AP2M1: variants seen among roughly 807,000 people sequenced by gnomAD.
AP2M1 encodes AP-2 complex subunit mu.
In AP2M1, 5 loss-of-function variants were observed where a neutral mutation model predicts 54.5. The observed-to-expected ratio is 0.09, with a 90% CI of 0.05 to 0.19. The LOEUF is 0.19. AP2M1 is among the 10% of genes least tolerant of loss of function. The pLI, the probability that AP2M1 is intolerant of heterozygous loss-of-function variation, is 1.00. For synonymous variants in AP2M1, 186 were observed against 208.2 expected (o/e 0.89, Z 0.92); for missense variants, 178 against 580.2 (o/e 0.31, Z 7.12).
Position 184,182,742 on chromosome 3 carries a change from T to C in AP2M1, c.1062-15T>C, listed in dbSNP as rs1160157885. 6.2e-7 allele frequency: 1 copy of C among 1,610,948 alleles called. No homozygotes were observed. The highest frequency in any genetic ancestry group is 1.7e-5 in the Admixed American group (1 of 59,972). ...CCAAGCCCCAATGGGCTGCCCATTG[T>C]CCCTGTGTTCCCAGGATCAAGCGCA... On this transcript the variant is annotated splice_polypyrimidine_tract_variant and intron_variant, in intron 10 of 11. Coordinates refer to ENST00000292807, the MANE Select transcript of AP2M1 (RefSeq NM_004068.4). The surrounding 1 kb of genome is among the most constrained non-coding windows in gnomAD (Gnocchi z 5.5).
At chr3:184,176,895 G>A (rs1054301035) in intron 1 of AP2M1, 56 bp from the exon 2 acceptor site, 16 of 1,274,150 alleles carry the variant, frequency 1.3e-5, no homozygotes, top group Non-Finnish European at 1.7e-5. Context: ...CAGCTCCACA[G>A]GGGATGTTGG....
Position 184,178,184 on chromosome 3 carries a change from C to T in AP2M1, c.75-673C>T. ...ATCACTCTCCTCTTCTTGCTGGCGT[C>T]ATTTCTCTCATCCCATCTCATTGGC... On this transcript the variant is annotated intron_variant, in intron 2 of 11. Transcript: ENST00000292807. This position sits in a 1 kb window ranked among gnomAD's most constrained non-coding sequence, Gnocchi z 4.9. 1 of 1,535,268 alleles carries T rather than the reference C, an allele frequency of 6.5e-7. No individual in the cohort carries two copies.
rs1715247162 is a variant in AP2M1 at position 184,180,754 on chromosome 3, A to G, written c.430-95A>G. ...AAATGGATTACAGGTGGGGACTAGA[A>G]GGGATGGGGAATGAGGGTGGAGTGG... On this transcript the variant is annotated intron_variant, in intron 5 of 11. Transcript: ENST00000292807. This position sits in a 1 kb window ranked among gnomAD's most constrained non-coding sequence, Gnocchi z 4.9. 6.2e-7 allele frequency: 1 copy of G among 1,614,096 alleles called. No homozygotes were observed. Among genetic ancestry groups the G allele is most frequent in the Non-Finnish European group, 8.5e-7 (1 of 1,179,994 alleles).
rs746493726 is a variant in AP2M1 at position 184,181,987 on chromosome 3, G to A, written c.903G>A (p.Leu301=). Residue 301 remains leucine, a synonymous_variant, in exon 9 of 12, where the codon CTG becomes CTA. Coordinates refer to ENST00000292807, the MANE Select transcript of AP2M1 (RefSeq NM_004068.4). This position sits in a 1 kb window ranked among gnomAD's most constrained non-coding sequence, Gnocchi z 5.7. ...TGCGAGAAGTGGGACGCACCAAACT[G>A]GAGGTCAAGGTGGTCATCAAGTCCA... ...PLVREVGRTK[L]EVKVVIKSNF... is the part of the protein sequence containing the mutation. 4.3e-6 allele frequency: 7 copies of A among 1,614,188 alleles called. No homozygotes were observed. The highest frequency in any genetic ancestry group is 1.6e-4 in the Middle Eastern group (1 of 6,062).
At chr3:184,175,843 G>T (rs553375200) in intron 1 of AP2M1, among the ~76,000 whole-genome samples, 1 of 152,240 alleles carries the variant, frequency 6.6e-6, no homozygotes, top group South Asian at 2.1e-4. Flanking sequence ...GCCTGTTTGG[G>T]ACTGAGGGAT....
Position 184,182,917 on chromosome 3 carries a change from C to T in AP2M1, c.1173+49C>T. ...GTCATGCCAGGGTATGCTGGAAGACCTCTTAGAGATCATTCCGATAAACTG... is the reference window on the plus strand; with the variant it reads ...GTCATGCCAGGGTATGCTGGAAGACTTCTTAGAGATCATTCCGATAAACTG... On this transcript the variant is annotated intron_variant, in intron 11 of 11. Coordinates refer to ENST00000292807, the MANE Select transcript of AP2M1 (RefSeq NM_004068.4). The surrounding 1 kb of genome is among the most constrained non-coding windows in gnomAD (Gnocchi z 5.5). 1 of 1,500,238 alleles carries T rather than the reference C, an allele frequency of 6.7e-7. No individual in the cohort carries two copies. Among genetic ancestry groups the T allele is most frequent in the Non-Finnish European group, 9.3e-7 (1 of 1,080,610 alleles). The allele number at this position is 1,500,238 out of a possible 1,614,324, so 92.9% of individuals were successfully genotyped here.
chr3:184,177,637 G>A (rs1271498594), intron 2 of AP2M1: 10 of 1,531,580 alleles, frequency 6.5e-6, no homozygotes, highest in Non-Finnish European at 8.7e-6. Flanking sequence ...GGTCACTGTG[G>A]GAGGGCAGGG....
chr3:184,177,449 T>C (rs1029387898), intron 2 of AP2M1: 2 of 1,216,210 alleles, frequency 1.6e-6, no homozygotes, highest in African/African-American at 1.5e-5. Context: ...ATCTAAGCCT[T>C]GCTCTCAGAA....
chr3:184,180,463 G>T lies in AP2M1; in HGVS notation c.424-182G>T, dbSNP rs1715233639. 3 of 1,110,018 alleles carry T rather than the reference G, an allele frequency of 2.7e-6. No individual in the cohort carries two copies. The highest frequency in any genetic ancestry group is 3.9e-6 in the Non-Finnish European group (3 of 767,218). The allele number at this position is 1,110,018 out of a possible 1,614,324, so 68.8% of individuals were successfully genotyped here. The stretch of plus-strand genomic sequence containing the variant: ...CAGCATCTCTATTACCAGGAATACA[G>T]CTCAAGCAGTTTCCTTTTGCACTGA... On this transcript the variant is annotated intron_variant, in intron 4 of 11. Transcript: ENST00000292807. The surrounding 1 kb of genome is among the most constrained non-coding windows in gnomAD (Gnocchi z 4.9).
In AP2M1 at chr3:184,178,119, C is replaced by T. The variant is rs958495998; in HGVS notation, c.75-738C>T. 3 of 1,406,148 alleles carry T rather than the reference C, an allele frequency of 2.1e-6. No homozygotes were observed. The African/African-American group carries it at 4.3e-5, about 20-fold the overall frequency. The allele number at this position is 1,406,148 out of a possible 1,614,324, so 87.1% of individuals were successfully genotyped here. On this transcript the variant is annotated intron_variant, in intron 2 of 11. Coordinates refer to ENST00000292807, the MANE Select transcript of AP2M1 (RefSeq NM_004068.4). The surrounding 1 kb of genome is among the most constrained non-coding windows in gnomAD (Gnocchi z 4.9). ...CTTCTGCCTCACGGTGTGTGCCGCC[C>T]TCCCGGTGTGTTGTGTGTCTAACCC...
At chr3:184,177,439 A>G (rs1715110294) in intron 2 of AP2M1, 1 of 1,116,900 alleles carries the variant, frequency 9.0e-7, no homozygotes, top group African/African-American at 1.5e-5. Context: ...GCACTAATCC[A>G]TCTAAGCCTT....
At chr3:184,177,468 C>T (rs1209749121) in intron 2 of AP2M1, 5 of 1,383,456 alleles carry the variant, frequency 3.6e-6, no homozygotes, top group Non-Finnish European at 4.9e-6. Context: ...AAGCCCTTCC[C>T]ATATCAAACG....
At position 184,178,272 on chromosome 3, in the gene AP2M1, G is replaced by A. The variant is rs1436600856; in HGVS notation, c.75-585G>A. The A allele has an allele frequency of 6.5e-7, 1 of 1,530,014 alleles. No individual in the cohort carries two copies. Among genetic ancestry groups the A allele is most frequent in the Non-Finnish European group, 8.8e-7 (1 of 1,141,306 alleles). The allele number at this position is 1,530,014 out of a possible 1,614,324, so 94.8% of individuals were successfully genotyped here. A position where few individuals can be genotyped will look rare whatever the true frequency, so the allele number is the denominator to read the frequency against. On this transcript the variant is annotated intron_variant, in intron 2 of 11. Transcript: ENST00000292807. The surrounding 1 kb of genome is among the most constrained non-coding windows in gnomAD (Gnocchi z 4.9). Reference sequence around the variant, plus strand: ...CCCAGGTACAGGTGGGTGGGGGCCTGCCCCCATCGTTTTCCTGCATCCTTT... The same window carrying A: ...CCCAGGTACAGGTGGGTGGGGGCCTACCCCCATCGTTTTCCTGCATCCTTT...
intron 2 of AP2M1, 137 bp downstream of exon 2, chr3:184,177,204 T>G: frequency 1.1e-6 from 1 of 882,448 alleles, no homozygotes; most frequent in Non-Finnish European, 1.7e-6. Context: ...GCTCAGCTAG[T>G]GTAGCCTGGC....
Position 184,178,004 on chromosome 3 carries a change from G to T in AP2M1, c.75-853G>T. ...AGGCCTGGCCTGTCTGAACCTGGCT[G>T]GCTACACCCCCCACCCCAGACCCCC... On this transcript the variant is annotated intron_variant, in intron 2 of 11. Coordinates refer to ENST00000292807, the MANE Select transcript of AP2M1 (RefSeq NM_004068.4). This position sits in a 1 kb window ranked among gnomAD's most constrained non-coding sequence, Gnocchi z 4.9. 1.5e-6 allele frequency: 1 copy of T among 658,358 alleles called. No homozygotes were observed. The highest frequency in any genetic ancestry group is 2.7e-6 in the Non-Finnish European group (1 of 367,156). The allele number at this position is 658,358 out of a possible 1,614,324, so 40.8% of individuals were successfully genotyped here.
intron 3 of AP2M1, among the ~76,000 whole-genome samples, chr3:184,179,891 G>C (rs1219537505): frequency 6.6e-6 from 1 of 152,048 alleles, no homozygotes; most frequent in Non-Finnish European, 1.5e-5. Context: ...GAACTCCTGG[G>C]CTCAAGTGAT....
intron 2 of AP2M1, chr3:184,177,782 C>T (rs1297701096): frequency 3.1e-6 from 2 of 638,242 alleles, no homozygotes; most frequent in Non-Finnish European, 5.4e-6. Flanking sequence ...CTATCCTAGC[C>T]TCCGAGGCGC....
Position 184,180,127 on chromosome 3 carries a change from A to G in AP2M1, c.341-42A>G. On this transcript the variant is annotated intron_variant, in intron 3 of 11. Transcript: ENST00000292807. The surrounding 1 kb of genome is among the most constrained non-coding windows in gnomAD (Gnocchi z 4.9). ...TAGGCCCAAGTAGGGGCTGGAATGA[A>G]GAAGCTCTGTCCAGGGGCTGATGGT... 2 of 1,601,032 alleles carry G rather than the reference A, an allele frequency of 1.2e-6. No homozygotes were observed. Among genetic ancestry groups the G allele is most frequent in the South Asian group, 2.2e-5 (2 of 90,560 alleles).
At chr3:184,177,941 C>G (rs1443653021) in intron 2 of AP2M1, 1 of 602,882 alleles carries the variant, frequency 1.7e-6, no homozygotes, top group Non-Finnish European at 2.9e-6. Flanking sequence ...TGTCCATTGG[C>G]TGGTGGTGTG....
Sources: gnomAD v4.1 joint callset for allele counts (sites outside exome capture counted in the v4.1 genomes callset) on GRCh38, gnomAD v4.1.1 for gene constraint, Gnocchi (gnomAD v3.1) non-coding constraint, MANE v1.5 for transcripts, NCBI Gene and HGNC (gene_info 2026-07-23, HGNC 2026-07-21) for gene names.